Variants in ARHGAP25 observed in about 807,000 individuals in gnomAD.
ARHGAP25 encodes Rho GTPase activating protein 25.
In ARHGAP25, 34 loss-of-function variants were observed where a neutral mutation model predicts 71.0. That is an observed-to-expected ratio of 0.48 (90% CI 0.36 to 0.64). The LOEUF (loss-of-function observed/expected upper bound fraction) is 0.64. ARHGAP25 is among the 30% of genes least tolerant of loss of function. The pLI, the probability that ARHGAP25 is intolerant of heterozygous loss-of-function variation, is 0.00. For missense variants in ARHGAP25, 706 were observed against 805.1 expected (o/e 0.88, Z 1.49); for synonymous variants, 282 against 296.5 (o/e 0.95, Z 0.50).
chr2:68,790,887 GCA>G (rs1679126616), intron 4 of ARHGAP25, among the ~76,000 whole-genome samples: 1 of 152,116 alleles, frequency 6.6e-6, no homozygotes, highest in African/African-American at 2.4e-5. Context: ...ATCTTACAGT[GCA>G]CAGTCTGCCC....
chr2:68,713,101 G>A (rs1198550948), intron 2 of ARHGAP25, among the ~76,000 whole-genome samples: 1 of 152,198 alleles, frequency 6.6e-6, no homozygotes, highest in Non-Finnish European at 1.5e-5. Context: ...ACTTTGGGCA[G>A]TATGGTCATT....
At chr2:68,819,701 G>A (rs1377265358) in intron 9 of ARHGAP25, 6 of 535,480 alleles carry the variant, frequency 1.1e-5, no homozygotes, top group Non-Finnish European at 2.0e-5. Context: ...GAGAAAACTG[G>A]TTTCCTGCTA....
chr2:68,813,607 T>A (rs763100164), intron 6 of ARHGAP25, among the ~76,000 whole-genome samples, 188 bp downstream of exon 6: 6 of 152,164 alleles, frequency 3.9e-5, no homozygotes, highest in Non-Finnish European at 7.4e-5. Flanking sequence ...CTTCATGAGA[T>A]GCAATAATCC....
At chr2:68,753,904 A>ATTT (rs4071637) in intron 1 of ARHGAP25, among the ~76,000 whole-genome samples, 12 of 141,414 alleles carry the variant, frequency 8.5e-5, no homozygotes, top group African/African-American at 2.6e-4. Context: ...GGTAAGATGT[A>ATTT]TTTTTTTTTT....
At chr2:68,788,347 G>A (rs1352549827) in intron 4 of ARHGAP25, among the ~76,000 whole-genome samples, 1 of 152,210 alleles carries the variant, frequency 6.6e-6, no homozygotes, top group Non-Finnish European at 1.5e-5. Flanking sequence ...GCAGCACCAC[G>A]AGTCTGCCTG....
At chr2:68,791,645 C>T (rs1297233685) in intron 4 of ARHGAP25, among the ~76,000 whole-genome samples, 1 of 152,012 alleles carries the variant, frequency 6.6e-6, no homozygotes, top group Non-Finnish European at 1.5e-5. Context: ...TTTTCAGACA[C>T]CTGTAGCCCG....
intron 2 of ARHGAP25, among the ~76,000 whole-genome samples, chr2:68,720,524 C>T (rs1432624447): frequency 6.6e-6 from 1 of 152,086 alleles, no homozygotes; most frequent in African/African-American, 2.4e-5. Flanking sequence ...GCCTTTTCTT[C>T]ACCTTCCTGA....
At chr2:68,807,694 G>C (rs900883278) in intron 5 of ARHGAP25, among the ~76,000 whole-genome samples, 2 of 152,188 alleles carry the variant, frequency 1.3e-5, no homozygotes, top group Admixed American at 1.3e-4. Context: ...TGTGACAGAT[G>C]ATGTGAACCA....
At chr2:68,775,502 A>C (rs1056036556) in intron 2 of ARHGAP25, 82 bp downstream of exon 2, 1 of 1,598,578 alleles carries the variant, frequency 6.3e-7, no homozygotes, top group African/African-American at 1.3e-5. Flanking sequence ...TTAAACTCAC[A>C]GGGGCCTTCT....
chr2:68,808,889 C>A (rs1411132258), intron 5 of ARHGAP25, among the ~76,000 whole-genome samples: 1 of 152,104 alleles, frequency 6.6e-6, no homozygotes, highest in African/African-American at 2.4e-5. Flanking sequence ...GTGTGGGAAT[C>A]TTTGATTATT....
chr2:68,733,902 C>G (rs1400398880), upstream of ARHGAP25, among the ~76,000 whole-genome samples: 1 of 152,006 alleles, frequency 6.6e-6, no homozygotes, highest in Non-Finnish European at 1.5e-5. Context: ...ATGAAGTAAG[C>G]CCTATTATTT....
At chr2:68,715,823 A>G (rs1674596450) in intron 2 of ARHGAP25, among the ~76,000 whole-genome samples, 1 of 152,220 alleles carries the variant, frequency 6.6e-6, no homozygotes, top group African/African-American at 2.4e-5. Context: ...CTGGAACTGT[A>G]TCTCCTCCCA....
At chr2:68,801,044 G>A (rs576255766) in intron 4 of ARHGAP25, among the ~76,000 whole-genome samples, 1 of 152,098 alleles carries the variant, frequency 6.6e-6, no homozygotes, top group Admixed American at 6.6e-5. Flanking sequence ...TTCCAGGGAT[G>A]TTTCTGATTC....
At chr2:68,721,835 A>G (rs1573376932) in intron 2 of ARHGAP25, among the ~76,000 whole-genome samples, 1 of 152,282 alleles carries the variant, frequency 6.6e-6, no homozygotes, top group South Asian at 2.1e-4. Flanking sequence ...CATAACTTGG[A>G]TCCCTTGCTC....
At chr2:68,726,034 C>T (rs1674875161) in intron 2 of ARHGAP25, among the ~76,000 whole-genome samples, 1 of 152,208 alleles carries the variant, frequency 6.6e-6, no homozygotes, top group African/African-American at 2.4e-5. Flanking sequence ...TTCTTTCACC[C>T]CTTCCCGTAG....
Position 68,747,516 on chromosome 2 carries a change from C to T in ARHGAP25, c.61+12256C>T, listed in dbSNP as rs370598063. ...CAGGGCTCAGTCCCCCGTCCTCTTC[C>T]GTTTATCCAACCTTAAAACCTTTAA... is the stretch of plus-strand genomic sequence containing the variant. On this transcript the variant is annotated intron_variant, in intron 1 of 10. Transcript: ENST00000409202. 4.5e-4 allele frequency among the ~76,000 whole-genome samples: 68 copies of T among 152,302 alleles called. 2 individuals are homozygous for T. In the South Asian group the frequency reaches 0.012, roughly 28 times the overall value.
chr2:68,764,821 A>C (rs1677029767), intron 1 of ARHGAP25, among the ~76,000 whole-genome samples: 1 of 152,188 alleles, frequency 6.6e-6, no homozygotes, highest in South Asian at 2.1e-4. Flanking sequence ...TGAGACCAAC[A>C]GCTTTCTTCA....
At position 68,734,993 on chromosome 2, in the gene ARHGAP25, C is replaced by T. The variant is rs1013041502; in HGVS notation, c.-207C>T. 92 of 609,040 alleles carry T rather than the reference C, an allele frequency of 1.5e-4. No homozygotes were observed. The African/African-American group carries it at 1.6e-3, about 11-fold the overall frequency. The allele number at this position is 609,040 out of a possible 1,614,324, so 37.7% of individuals were successfully genotyped here. A position where few individuals can be genotyped will look rare whatever the true frequency, so the allele number is the denominator to read the frequency against. ...GCTGGGGGAGTTTGGGTGCCATCCT[C>T]CAGTGACAGATGGATGGACCTTTCA... On this transcript the variant is annotated 5_prime_UTR_variant, in exon 1 of 11. Transcript: ENST00000409202.
chr2:68,803,901 T>A (rs933530574), intron 4 of ARHGAP25, among the ~76,000 whole-genome samples: 6 of 151,880 alleles, frequency 4.0e-5, no homozygotes, highest in African/African-American at 1.2e-4. Flanking sequence ...GTGGCAAAAA[T>A]TTGGAACCAG....
Sources: allele counts gnomAD v4.1 joint callset (sites outside exome capture counted in the v4.1 genomes callset), GRCh38; gene constraint gnomAD v4.1.1; transcripts MANE v1.5; gene names NCBI Gene and HGNC (gene_info 2026-07-23, HGNC 2026-07-21).